CATSPERT: variants seen among roughly 807,000 people sequenced by gnomAD.
CATSPERT encodes the protein cation channel sperm-associated targeting subunit tau.
the CATSPERT span, among the ~76,000 whole-genome samples, chr2:201,543,762 A>C: frequency 6.6e-6 from 1 of 152,156 alleles, no homozygotes; most frequent in Admixed American, 6.6e-5. Context: ...TGTGGAGTCT[A>C]CAGAATTTTC....
the CATSPERT span, among the ~76,000 whole-genome samples, chr2:201,499,529 T>C: frequency 6.6e-6 from 1 of 152,264 alleles, no homozygotes; most frequent in East Asian, 1.9e-4. Context: ...CTGTGGCTGC[T>C]GCCTTCAAAA....
chr2:201,523,352 G>T, the CATSPERT span, among the ~76,000 whole-genome samples: 1 of 152,286 alleles, frequency 6.6e-6, no homozygotes, highest in African/African-American at 2.4e-5. Flanking sequence ...GGCCCCCAGG[G>T]TTAGAGCACA....
chr2:201,614,302 C>A, the CATSPERT span, among the ~76,000 whole-genome samples: 3 of 152,280 alleles, frequency 2.0e-5, no homozygotes, highest in East Asian at 3.9e-4. Context: ...TTAAGGACAG[C>A]CAGAGAGAAA....
At chr2:201,504,882 G>A in the CATSPERT span, among the ~76,000 whole-genome samples, 10 of 152,164 alleles carry the variant, frequency 6.6e-5, no homozygotes, top group African/African-American at 2.2e-4. Context: ...GAGATAAAGG[G>A]CATCTGCTAG....
At chr2:201,487,838 T>G in the CATSPERT span, 93 of 1,614,036 alleles carry the variant, frequency 5.8e-5, no homozygotes, top group Non-Finnish European at 7.6e-5. Flanking sequence ...TGATCTTGAT[T>G]TTACTTTTTT....
the CATSPERT span, among the ~76,000 whole-genome samples, chr2:201,559,426 A>G: frequency 6.6e-6 from 1 of 152,110 alleles, no homozygotes; most frequent in Non-Finnish European, 1.5e-5. Context: ...CCCAAGAAAC[A>G]TCCCTACGGG....
At chr2:201,574,402 T>G in the CATSPERT span, 1 of 670,036 alleles carries the variant, frequency 1.5e-6, no homozygotes, top group Non-Finnish European at 2.3e-6. Flanking sequence ...CTCCTGACTT[T>G]TAAAAAAGCG....
At chr2:201,527,893 T>C in the CATSPERT span, among the ~76,000 whole-genome samples, 4 of 151,380 alleles carry the variant, frequency 2.6e-5, no homozygotes, top group South Asian at 4.2e-4. Context: ...GCAACAAAAA[T>C]AAAAATTGAC....
chr2:201,502,894 T>TG, the CATSPERT span, among the ~76,000 whole-genome samples: 4 of 140,892 alleles, frequency 2.8e-5, no homozygotes, highest in Non-Finnish European at 6.3e-5. Flanking sequence ...AGTGATACTG[T>TG]GTTGTTTTTT....
chr2:201,551,032 CCACATTAG>C, the CATSPERT span: 1 of 152,190 alleles, frequency 6.6e-6, no homozygotes, highest in Admixed American at 6.5e-5. Context: ...ATTGGTGGAG[CCACATTAG>C]CACAGTTGAT....
At chr2:201,503,982 G>A in the CATSPERT span, among the ~76,000 whole-genome samples, 3 of 152,128 alleles carry the variant, frequency 2.0e-5, no homozygotes, top group Non-Finnish European at 2.9e-5. Context: ...TCTGGCTGAT[G>A]AGAATATGGA....
the CATSPERT span, among the ~76,000 whole-genome samples, chr2:201,608,385 A>G: frequency 1.3e-5 from 2 of 152,034 alleles, no homozygotes; most frequent in African/African-American, 4.8e-5. Flanking sequence ...CTTTTTTTTA[A>G]AATTTTGGTA....
the CATSPERT span, chr2:201,604,617 C>A: frequency 6.3e-7 from 1 of 1,593,840 alleles, no homozygotes; most frequent in Non-Finnish European, 8.5e-7. Context: ...ATACCACATC[C>A]CCAAATGGCA....
At chr2:201,568,849 T>C in the CATSPERT span, among the ~76,000 whole-genome samples, 1 of 152,178 alleles carries the variant, frequency 6.6e-6, no homozygotes, top group Non-Finnish European at 1.5e-5. Flanking sequence ...TTCTGCCAGT[T>C]ACTGAGAATA....
chr2:201,568,281 A>T, the CATSPERT span, among the ~76,000 whole-genome samples: 1 of 152,314 alleles, frequency 6.6e-6, no homozygotes, highest in East Asian at 1.9e-4. Context: ...TCAGCATGTC[A>T]TCAATAAAAC....
At chr2:201,586,331 A>G in the CATSPERT span, among the ~76,000 whole-genome samples, 1 of 152,074 alleles carries the variant, frequency 6.6e-6, no homozygotes, top group East Asian at 1.9e-4. Context: ...ACTCAATCCC[A>G]GAGATGAAGA....
the CATSPERT span, among the ~76,000 whole-genome samples, chr2:201,579,980 TCA>T: frequency 6.6e-6 from 1 of 151,828 alleles, no homozygotes; most frequent in Non-Finnish European, 1.5e-5. Flanking sequence ...ACCTCCCAAG[TCA>T]CTTGGACTAC....
the CATSPERT span, chr2:201,536,160 G>A: frequency 1.2e-6 from 2 of 1,613,524 alleles, no homozygotes; most frequent in South Asian, 1.1e-5. Context: ...TATTCTGCCT[G>A]CTTTTATTGT....
chr2:201,570,587 C>A, the CATSPERT span, among the ~76,000 whole-genome samples: 1 of 152,144 alleles, frequency 6.6e-6, no homozygotes, highest in African/African-American at 2.4e-5. Context: ...ACAAATGAAG[C>A]ATAAAGAGCC....
Sources: allele counts gnomAD v4.1 joint callset (sites outside exome capture counted in the v4.1 genomes callset), GRCh38; gene constraint gnomAD v4.1.1; transcripts MANE v1.5; gene names NCBI Gene and HGNC (gene_info 2026-07-23, HGNC 2026-07-21).